The following IL17RB variants were observed in gnomAD, a reference collection of about 807,000 sequenced individuals.
IL17RB encodes the protein interleukin-17 receptor B.
A neutral mutation model predicts 43.9 loss-of-function variants in IL17RB; 36 were observed. The ratio of observed to expected loss-of-function variants is 0.82; its 90% CI spans 0.63 to 1.08. The LOEUF is 1.08. Among genes scored for constraint, IL17RB ranks in the 50% least tolerant of loss-of-function variants. The pLI, the probability that IL17RB is intolerant of heterozygous loss-of-function variation, is 0.00. For synonymous variants in IL17RB, 225 were observed against 225.4 expected (o/e 1.00, Z 0.02); for missense variants, 613 against 613.6 (o/e 1.00, Z 0.01).
intron 5 of IL17RB, 82 bp from the exon 6 acceptor site, chr3:53,855,212 G>GT: frequency 2.4e-6 from 2 of 816,796 alleles, no homozygotes; most frequent in South Asian, 3.0e-5. Flanking sequence ...TGTGGTATGC[G>GT]TATGTGTGTG....
At chr3:53,863,224 G>T (rs188839902) in intron 10 of IL17RB, among the ~76,000 whole-genome samples, 1 of 152,200 alleles carries the variant, frequency 6.6e-6, no homozygotes, top group East Asian at 1.9e-4. Flanking sequence ...AAGTTAAGTT[G>T]TGGGAAAATC....
chr3:53,848,037 C>G (rs1465518843), intron 1 of IL17RB, among the ~76,000 whole-genome samples: 1 of 152,172 alleles, frequency 6.6e-6, no homozygotes, highest in Non-Finnish European at 1.5e-5. Flanking sequence ...GTATTTTATT[C>G]CAGAACCAAA....
At chr3:53,856,204 T>G (rs541568518) in intron 6 of IL17RB, among the ~76,000 whole-genome samples, 8 of 152,216 alleles carry the variant, frequency 5.3e-5, no homozygotes, top group Non-Finnish European at 1.0e-4. Context: ...GGGCCTCAAA[T>G]GGTCTCCTCG....
rs760991410 is a variant in IL17RB, at chr3:53,852,864, C to T, written c.355-7C>T. Reference sequence around the variant, plus strand: ...GGGAATTGAGAGTTCCTTGCTTTGCCTTTCAGTGGACATTTTCCTACATCG... The same window carrying T: ...GGGAATTGAGAGTTCCTTGCTTTGCTTTTCAGTGGACATTTTCCTACATCG... On this transcript the variant is annotated splice_region_variant and splice_polypyrimidine_tract_variant and intron_variant, in intron 4 of 10. Coordinates refer to ENST00000288167, the MANE Select transcript of IL17RB (RefSeq NM_018725.4). 3.0e-5 allele frequency: 48 copies of T among 1,613,244 alleles called. No homozygotes were observed. The highest frequency in any genetic ancestry group is 3.8e-5 in the Non-Finnish European group (45 of 1,179,412).
At chr3:53,858,950 G>A (rs1468372774) in intron 9 of IL17RB, 132 bp downstream of exon 9, 1 of 637,628 alleles carries the variant, frequency 1.6e-6, no homozygotes. Context: ...ACTGAACTGG[G>A]GTGCAGAGAA....
In IL17RB at chr3:53,858,967, C is replaced by G. The variant is rs1699456789; in HGVS notation, c.847+149C>G. 8.9e-6 allele frequency: 5 copies of G among 564,282 alleles called. No homozygotes were observed. The South Asian group carries it at 1.2e-4, about 14-fold the overall frequency. 35.0% of individuals were successfully genotyped at this position (564,282 alleles called of 1,614,324 possible). On this transcript the variant is annotated intron_variant, in intron 9 of 10. Transcript: ENST00000288167. ...TGAACTGGGGTGCAGAGAAAGCCAA[C>G]AGTGCTGTCCCAGAGAACCTAGAAT...
chr3:53,850,452 G>T (rs939623681), intron 3 of IL17RB, among the ~76,000 whole-genome samples: 1 of 147,656 alleles, frequency 6.8e-6, no homozygotes, highest in African/African-American at 2.5e-5. Flanking sequence ...AGCTGTGATC[G>T]CACCACTGCA....
At chr3:53,860,290 A>T in intron 10 of IL17RB, 62 bp downstream of exon 10, 34 of 1,341,822 alleles carry the variant, frequency 2.5e-5, no homozygotes, top group Non-Finnish European at 3.0e-5. Context: ...ATTTTTTTTT[A>T]AAGAAGATTC....
At chr3:53,861,153 G>GT (rs1157281901) in intron 10 of IL17RB, 1 of 152,058 alleles carries the variant, frequency 6.6e-6, no homozygotes, top group Non-Finnish European at 1.5e-5. Context: ...ACAGTAAAAA[G>GT]TATCTCCAGT....
intron 6 of IL17RB, among the ~76,000 whole-genome samples, 166 bp downstream of exon 6, chr3:53,855,507 C>G (rs1699301125): frequency 6.6e-6 from 1 of 152,140 alleles, no homozygotes; most frequent in African/African-American, 2.4e-5. Context: ...GATCTCCAGC[C>G]AGTACTTTGC....
intron 5 of IL17RB, 94 bp from the exon 6 acceptor site, chr3:53,855,200 G>C: frequency 1.7e-6 from 1 of 591,252 alleles, no homozygotes; most frequent in Non-Finnish European, 3.0e-6. Context: ...ATTTGTTACA[G>C]GTGTGGTATG....
At chr3:53,850,779 T>C (rs1373211330) in intron 3 of IL17RB, among the ~76,000 whole-genome samples, 1 of 151,686 alleles carries the variant, frequency 6.6e-6, no homozygotes, top group Non-Finnish European at 1.5e-5. Context: ...CACTCCTGCC[T>C]GGGTGACAGA....
Position 53,846,632 on chromosome 3 carries a change from C to T in IL17RB, c.44C>T (p.Ala15Val), listed in dbSNP as rs1418443344. The change falls in exon 1 of 11, where the codon GCC becomes GTC. Residue 15 changes from alanine to valine, a missense_variant. Coordinates refer to ENST00000288167, the MANE Select transcript of IL17RB (RefSeq NM_018725.4). ...AGCCTGGCCGCGCTGTGCAGGAGCGCCGTACCCCGAGAGCCGGTAAGCCCC... is the reference window on the plus strand; with the variant it reads ...AGCCTGGCCGCGCTGTGCAGGAGCGTCGTACCCCGAGAGCCGGTAAGCCCC... ...LLSLAALCRS[A>V]VPREPTVQCG... 6.3e-7 allele frequency: 1 copy of T among 1,592,668 alleles called. No homozygotes were observed. Among genetic ancestry groups the T allele is most frequent in the Non-Finnish European group, 8.5e-7 (1 of 1,172,714 alleles).
chr3:53,851,896 T>G (rs1699163151), intron 3 of IL17RB, 103 bp from the exon 4 acceptor site: 3 of 1,337,458 alleles, frequency 2.2e-6, no homozygotes, highest in Admixed American at 1.9e-5. Flanking sequence ...ATTGTGAATA[T>G]GAACCGAGAC....
chr3:53,862,696 A>C (rs1277756997), intron 10 of IL17RB, among the ~76,000 whole-genome samples: 1 of 152,250 alleles, frequency 6.6e-6, no homozygotes, highest in African/African-American at 2.4e-5. Flanking sequence ...CAGCAGCATC[A>C]GAAAACAAAT....
intron 2 of IL17RB, among the ~76,000 whole-genome samples, chr3:53,849,413 T>C (rs1461337106): frequency 3.9e-5 from 6 of 152,088 alleles, no homozygotes; most frequent in African/African-American, 7.2e-5. Flanking sequence ...TGGTGGCTTA[T>C]ACCTATAATC....
chr3:53,846,584 C>G lies in IL17RB; in HGVS notation c.-5C>G, dbSNP rs756572713. 21 of 1,577,982 alleles carry G rather than the reference C, an allele frequency of 1.3e-5. No homozygotes were observed. The highest frequency in any genetic ancestry group is 1.6e-5 in the Non-Finnish European group (19 of 1,167,352). The stretch of plus-strand genomic sequence containing the variant: ...GTGGCCTGGATCCCGCGCAGTGGCC[C>G]GGCGATGTCGCTCGTGCTGCTAAGC... On this transcript the variant is annotated 5_prime_UTR_variant, in exon 1 of 11. Coordinates refer to ENST00000288167, the MANE Select transcript of IL17RB (RefSeq NM_018725.4).
chr3:53,849,957 C>A (rs1252702979), intron 3 of IL17RB, among the ~76,000 whole-genome samples, 162 bp downstream of exon 3: 1 of 152,214 alleles, frequency 6.6e-6, no homozygotes, highest in Non-Finnish European at 1.5e-5. Context: ...GCACTACTTA[C>A]AACAGGCAAC....
chr3:53,846,753 T>G, intron 1 of IL17RB, 105 bp downstream of exon 1: 1 of 1,234,540 alleles, frequency 8.1e-7, no homozygotes, highest in Non-Finnish European at 1.1e-6. Context: ...GTGCGCGGAC[T>G]GCCGGCTCAA....
Sources: allele counts gnomAD v4.1 joint callset (sites outside exome capture counted in the v4.1 genomes callset), GRCh38; gene constraint gnomAD v4.1.1; transcripts MANE v1.5; gene names NCBI Gene and HGNC (gene_info 2026-07-23, HGNC 2026-07-21).